Variants in EED observed in about 807,000 individuals in gnomAD.
EED encodes the protein embryonic ectoderm development, also known as polycomb protein EED.
A neutral mutation model predicts 61.0 loss-of-function variants in EED; 9 were observed. That is an observed-to-expected ratio of 0.15 (90% CI 0.09 to 0.26). EED has a LOEUF of 0.26. Among genes scored for constraint, EED ranks in the 10% least tolerant of loss-of-function variants. EED has a pLI of 1.00. For synonymous variants in EED, 187 were observed against 174.4 expected, an observed-to-expected ratio of 1.07 and a Z score of -0.57; for missense variants, 315 against 542.3, an observed-to-expected ratio of 0.58 and a Z score of 4.16.
chr11:86,265,992 AC>A, intron 7 of EED, 90 bp from the exon 8 acceptor site: 1 of 1,105,154 alleles, frequency 9.0e-7, no homozygotes, highest in Non-Finnish European at 1.3e-6. Flanking sequence ...GATTTGAAAT[AC>A]AGTTTTCACT....
intron 1 of EED, among the ~76,000 whole-genome samples, chr11:86,245,885 C>G (rs1945379458): frequency 1.3e-5 from 2 of 152,018 alleles, no homozygotes; most frequent in African/African-American, 4.8e-5. Flanking sequence ...CTGAAGGTCG[C>G]CTTTTCTGTA....
intron 9 of EED, among the ~76,000 whole-genome samples, chr11:86,271,525 T>C (rs1394778149): frequency 6.6e-6 from 1 of 152,186 alleles, no homozygotes; most frequent in Non-Finnish European, 1.5e-5. Flanking sequence ...CTGGTGAACT[T>C]TCAGTCCTGT....
At chr11:86,281,747 T>G (rs1195908842), downstream of EED, among the ~76,000 whole-genome samples, 1 of 152,214 alleles carries the variant, frequency 6.6e-6, no homozygotes, top group East Asian at 1.9e-4. Context: ...CTCGAACTCC[T>G]GGGTCCAAGT....
chr11:86,285,458 A>C, the EED span, among the ~76,000 whole-genome samples: 1 of 152,150 alleles, frequency 6.6e-6, no homozygotes, highest in Non-Finnish European at 1.5e-5. Context: ...AATTAGGTTA[A>C]AGGTACTAAC....
rs1593776047 is a variant in EED, at chr11:86,277,801, G to A, written c.1126-117G>A. 1.8e-5 allele frequency: 17 copies of A among 920,820 alleles called. No homozygotes were observed. In the East Asian group the frequency reaches 5.2e-4, roughly 28 times the overall value. 57.0% of individuals were successfully genotyped at this position (920,820 alleles called of 1,614,324 possible). The stretch of plus-strand genomic sequence containing the variant: ...ATAAGACCCAAAGAAATAGCCAAGA[G>A]CACAGAGGCTGGAACTGAGCTTTTT... On this transcript the variant is annotated intron_variant, in intron 10 of 11. Transcript: ENST00000263360.
At chr11:86,249,825 C>CA (rs1376082501) in intron 1 of EED, among the ~76,000 whole-genome samples, 8 of 152,322 alleles carry the variant, frequency 5.3e-5, no homozygotes, top group African/African-American at 1.9e-4. Context: ...ACTCCTGCTT[C>CA]AAACGGCTCC....
chr11:86,259,544 C>T (rs1218718155), intron 6 of EED, among the ~76,000 whole-genome samples: 1 of 152,120 alleles, frequency 6.6e-6, no homozygotes, highest in Non-Finnish European at 1.5e-5. Context: ...CCTCAAACTC[C>T]TGGCCTCAAG....
chr11:86,283,452 TA>T (rs1946346071), downstream of EED, among the ~76,000 whole-genome samples: 1 of 152,180 alleles, frequency 6.6e-6, no homozygotes, highest in African/African-American at 2.4e-5. Flanking sequence ...TTATTTGGTT[TA>T]TTGTATTTCT....
the EED span, among the ~76,000 whole-genome samples, chr11:86,286,668 C>T: frequency 6.6e-6 from 1 of 151,700 alleles, no homozygotes; most frequent in Non-Finnish European, 1.5e-5. Context: ...TAATGCAACC[C>T]ACAGTAAGAA....
In EED at chr11:86,268,616, TGTGTGTGTGTATGTGTGTGC is replaced by T. The variant is rs1054740076; in HGVS notation, c.966+57_966+76del. ...CATCGTGTGTGTGTGTGTGTGTGTG[TGTGTGTGTGTATGTGTGTGC>T]GCATGTTGGAACTTGGCAGGGAGCA... On this transcript the variant is annotated intron_variant, in intron 9 of 11. Transcript: ENST00000263360. 7 of 1,213,292 alleles carry T rather than the reference TGTGTGTGTGTATGTGTGTGC, an allele frequency of 5.8e-6. No individual in the cohort carries two copies. The African/African-American group carries it at 1.1e-4, about 19-fold the overall frequency. 75.2% of individuals were successfully genotyped at this position (1,213,292 alleles called of 1,614,324 possible).
chr11:86,275,090 T>A (rs76350720), intron 9 of EED, among the ~76,000 whole-genome samples: 4,743 of 152,250 alleles, frequency 0.031, 239 homozygotes, highest in African/African-American at 0.11. Context: ...GCCTTCTCTC[T>A]TATCTAGTCT....
chr11:86,257,111 C>A (rs935544409), intron 5 of EED, among the ~76,000 whole-genome samples: 1 of 151,358 alleles, frequency 6.6e-6, no homozygotes, highest in Non-Finnish European at 1.5e-5. Context: ...GATTATAGCT[C>A]ACTGCAGCCC....
In EED at chr11:86,244,899, C is replaced by A; in HGVS notation, c.-331C>A. 1 of 268,156 alleles carries A rather than the reference C, an allele frequency of 3.7e-6. No homozygotes were observed. The highest frequency in any genetic ancestry group is 7.1e-6 in the Non-Finnish European group (1 of 140,708). 16.6% of individuals were successfully genotyped at this position (268,156 alleles called of 1,614,324 possible). On this transcript the variant is annotated 5_prime_UTR_variant, in exon 1 of 12. Coordinates refer to ENST00000263360, the MANE Select transcript of EED (RefSeq NM_003797.5). Reference sequence around the variant, plus strand: ...CTCGAGGCGGTGGTGGGAAGGGAGACATACTTAATACTGCCCTCTTAATCC... The same window carrying A: ...CTCGAGGCGGTGGTGGGAAGGGAGAAATACTTAATACTGCCCTCTTAATCC...
At position 86,245,221 on chromosome 11, in the gene EED, C is replaced by CGGAGGAATATGTCCGAGAGGGAAGT; in HGVS notation, c.-7_18dup. 1 of 1,608,820 alleles carries CGGAGGAATATGTCCGAGAGGGAAGT rather than the reference C, an allele frequency of 6.2e-7. No homozygotes were observed. Among genetic ancestry groups the CGGAGGAATATGTCCGAGAGGGAAGT allele is most frequent in the Non-Finnish European group, 8.5e-7 (1 of 1,177,464 alleles). On this transcript the variant is annotated 5_prime_UTR_variant, in exon 1 of 12. The change creates a new upstream start codon in the 5' untranslated region. Transcript: ENST00000263360. Reference sequence around the variant, plus strand: ...CAGGCGGCAGGAACCTGGAGGGAGGCGGAGGAATATGTCCGAGAGGGAAGT... The same window carrying CGGAGGAATATGTCCGAGAGGGAAGT: ...CAGGCGGCAGGAACCTGGAGGGAGGCGGAGGAATATGTCCGAGAGGGAAGTGGAGGAATATGTCCGAGAGGGAAGT...
At chr11:86,276,012 A>G (rs895286741) in intron 9 of EED, 1 of 152,150 alleles carries the variant, frequency 6.6e-6, no homozygotes, top group African/African-American at 2.4e-5. Flanking sequence ...CTGTCCAGTA[A>G]AACTCTAGGG....
chr11:86,265,887 G>A (rs536457037), intron 7 of EED, 196 bp from the exon 8 acceptor site: 7 of 395,980 alleles, frequency 1.8e-5, no homozygotes, highest in Admixed American at 1.3e-4. Flanking sequence ...CTTATATTCC[G>A]ATGTTGACAA....
Position 86,252,157 on chromosome 11 carries a change from A to G in EED, c.277A>G (p.Asn93Asp), listed in dbSNP as rs751115357. 1 of 1,611,182 alleles carries G rather than the reference A, an allele frequency of 6.2e-7. No homozygotes were observed. Among genetic ancestry groups the G allele is most frequent in the Admixed American group, 1.7e-5 (1 of 59,898 alleles). ...CATGATTATTTTATAGGAAGATCATAACCAACCATTGTTTGGAGTTCAGTT... is the reference window on the plus strand; with the variant it reads ...CATGATTATTTTATAGGAAGATCATGACCAACCATTGTTTGGAGTTCAGTT... ...KCVNSLKEDHNQPLFGVQFNW... is the reference protein window; with the variant it reads ...KCVNSLKEDHDQPLFGVQFNW... The change falls in exon 3 of 12, where the codon AAC (asparagine) becomes GAC (aspartate). Residue 93 changes from asparagine to aspartate, a missense_variant. This residue lies in a region of EED where 205 missense variants were observed against 455.4 expected (regional missense o/e 0.45). Coordinates refer to ENST00000263360, the MANE Select transcript of EED (RefSeq NM_003797.5).
chr11:86,251,087 C>T (rs944843342), intron 2 of EED, among the ~76,000 whole-genome samples: 25 of 151,624 alleles, frequency 1.6e-4, no homozygotes, highest in Non-Finnish European at 3.5e-4. Context: ...CTATTTTTTT[C>T]TATACTGAGG....
At chr11:86,250,062 C>T (rs1305156617) in intron 1 of EED, among the ~76,000 whole-genome samples, 1 of 152,124 alleles carries the variant, frequency 6.6e-6, no homozygotes, top group Middle Eastern at 3.2e-3. Flanking sequence ...ATTACTCTTC[C>T]ATTATTCTCA....
Sources: allele counts gnomAD v4.1 joint callset (sites outside exome capture counted in the v4.1 genomes callset), GRCh38; gene constraint gnomAD v4.1.1; regional missense constraint gnomAD v4.1.1; transcripts MANE v1.5; gene names NCBI Gene and HGNC (gene_info 2026-07-23, HGNC 2026-07-21).